CDC42BPB: variants seen among roughly 807,000 people sequenced by gnomAD.
CDC42BPB encodes CDC42 binding protein kinase beta.
A neutral mutation model predicts 214.9 loss-of-function variants in CDC42BPB; 37 were observed. That is an observed-to-expected ratio of 0.17 (90% confidence interval 0.13 to 0.23). CDC42BPB has a LOEUF of 0.23. CDC42BPB is among the 10% of genes least tolerant of loss of function. The pLI, the probability that CDC42BPB is intolerant of heterozygous loss-of-function variation, is 1.00. For synonymous variants in CDC42BPB, 931 were observed against 884.0 expected (o/e 1.05, Z -0.94); for missense variants, 1,694 against 2,227.0 (o/e 0.76, Z 4.82).
At chr14:103,054,830 G>A (rs1595204111) in intron 1 of CDC42BPB, among the ~76,000 whole-genome samples, 1 of 152,206 alleles carries the variant, frequency 6.6e-6, no homozygotes, top group South Asian at 2.1e-4. Flanking sequence ...CACAGTTCCC[G>A]TTTAGATTTG....
chr14:102,990,841 T>C (rs1161319472), intron 5 of CDC42BPB, among the ~76,000 whole-genome samples: 1 of 151,992 alleles, frequency 6.6e-6, no homozygotes, highest in Non-Finnish European at 1.5e-5. Context: ...AGCACAAAAA[T>C]AACTAAGATA....
chr14:102,951,669 C>T (rs1892496529), intron 24 of CDC42BPB, among the ~76,000 whole-genome samples: 1 of 151,730 alleles, frequency 6.6e-6, no homozygotes. Flanking sequence ...TGGGCCTGTC[C>T]CCAGCTACTT....
chr14:102,950,338 G>A, intron 25 of CDC42BPB, 128 bp downstream of exon 25: 1 of 1,262,316 alleles, frequency 7.9e-7, no homozygotes, highest in Non-Finnish European at 1.1e-6. Flanking sequence ...AGGAGGGTAA[G>A]CCCCCTAGGA....
intron 12 of CDC42BPB, 194 bp from the exon 13 acceptor site, chr14:102,972,355 C>G: frequency 1.0e-6 from 1 of 985,142 alleles, no homozygotes; most frequent in African/African-American, 1.7e-5. Context: ...ATGGGAAGGC[C>G]GCCTGGGCTC....
At position 102,933,876 on chromosome 14, in the gene CDC42BPB, G is replaced by A. The variant is rs181816130; in HGVS notation, c.5005-33C>T. ...CAGGAAGAGGGCAGGGTGAGCACCC[G>A]CTGCCCTAGCCTGGGGAGGCACGCG... On this transcript the variant is annotated intron_variant, in intron 36 of 36. Coordinates refer to ENST00000361246, the MANE Select transcript of CDC42BPB (RefSeq NM_006035.4). 15 of 1,484,892 alleles carry A rather than the reference G, an allele frequency of 1.0e-5. No homozygotes were observed. In the Admixed American group the frequency reaches 1.2e-4, roughly 12 times the overall value. 92.0% of individuals were successfully genotyped at this position (1,484,892 alleles called of 1,614,324 possible). A position where few individuals can be genotyped will look rare whatever the true frequency, so the allele number is the denominator to read the frequency against.
intron 8 of CDC42BPB, chr14:102,978,436 G>C (rs896673093): frequency 2.0e-5 from 12 of 614,386 alleles, no homozygotes; most frequent in Non-Finnish European, 2.4e-5. Context: ...GACACACTCT[G>C]ATTTCGATGA....
chr14:102,959,839 A>T (rs926849588), intron 20 of CDC42BPB, 129 bp from the exon 21 acceptor site: 12 of 135,446 alleles, frequency 8.9e-5, no homozygotes, highest in South Asian at 2.2e-4. Context: ...GATCACAATT[A>T]AAAAAAAAAA....
chr14:103,034,158 G>A (rs572094390), intron 1 of CDC42BPB, among the ~76,000 whole-genome samples: 2 of 152,136 alleles, frequency 1.3e-5, no homozygotes, highest in Non-Finnish European at 2.9e-5. Context: ...TTTCCAATGT[G>A]GTACTGGAGA....
At chr14:103,011,953 AAGAG>A in intron 2 of CDC42BPB, 140 bp downstream of exon 2, 6 of 668,526 alleles carry the variant, frequency 9.0e-6, no homozygotes, top group South Asian at 8.2e-5. Flanking sequence ...TCATCTTAGA[AAGAG>A]AGAGAGGAAA....
chr14:103,021,824 G>A (rs1266021796), intron 1 of CDC42BPB, among the ~76,000 whole-genome samples: 2 of 152,222 alleles, frequency 1.3e-5, no homozygotes, highest in African/African-American at 4.8e-5. Flanking sequence ...GCAGGCGATA[G>A]CAGTCTGGTC....
chr14:102,946,558 G>C lies in CDC42BPB; in HGVS notation c.3658C>G (p.Arg1220Gly), dbSNP rs771945943. 1 of 1,612,742 alleles carries C rather than the reference G, an allele frequency of 6.2e-7. No homozygotes were observed. Among genetic ancestry groups the C allele is most frequent in the Non-Finnish European group, 8.5e-7 (1 of 1,179,938 alleles). ...EGLQSILHKN[R>G]LRNQVVHVPL... The stretch of plus-strand genomic sequence containing the variant: ...ACATGCACGACCTGATTCCTCAGCC[G>C]GTTTTTATGAAGGATGGACTGGAGT... Residue 1220 changes from arginine (R) to glycine (G), a missense_variant, in exon 28 of 37, where the codon CGG becomes GGG. Coordinates refer to ENST00000361246, the MANE Select transcript of CDC42BPB (RefSeq NM_006035.4).
intron 36 of CDC42BPB, among the ~76,000 whole-genome samples, chr14:102,934,814 A>C (rs1891568414): frequency 6.6e-6 from 1 of 152,076 alleles, no homozygotes; most frequent in East Asian, 1.9e-4. Context: ...GATTGAGACC[A>C]TCCTAACACA....
intron 1 of CDC42BPB, among the ~76,000 whole-genome samples, chr14:103,048,408 G>A (rs1888412291): frequency 6.6e-6 from 1 of 151,788 alleles, no homozygotes; most frequent in Non-Finnish European, 1.5e-5. Flanking sequence ...GCCAGGCATG[G>A]CTGGGCGCGG....
intron 28 of CDC42BPB, 68 bp from the exon 29 acceptor site, chr14:102,945,792 G>T: frequency 7.3e-7 from 1 of 1,367,124 alleles, no homozygotes; most frequent in Non-Finnish European, 1.0e-6. Context: ...GTTTGAATGC[G>T]TGGGTGGGCT....
At chr14:102,968,450 T>C (rs778969431) in intron 15 of CDC42BPB, 22 bp downstream of exon 15, 4 of 1,613,666 alleles carry the variant, frequency 2.5e-6, no homozygotes, top group Admixed American at 1.7e-5. Context: ...TCTTCTGAAC[T>C]GAGAAGCTCA....
intron 8 of CDC42BPB, among the ~76,000 whole-genome samples, chr14:102,979,348 A>C (rs1363484618): frequency 1.3e-5 from 2 of 151,650 alleles, no homozygotes; most frequent in Non-Finnish European, 2.9e-5. Context: ...AAGTAGCTGG[A>C]TTACAGGCAC....
chr14:102,992,137 G>A lies in CDC42BPB; in HGVS notation c.597-5557C>T, dbSNP rs556969151. On this transcript the variant is annotated intron_variant, in intron 5 of 36. Coordinates refer to ENST00000361246, the MANE Select transcript of CDC42BPB (RefSeq NM_006035.4). ...TGAGGGGTGGTGACCCCTGGGGAGG[G>A]AGTGATGGGGGAGCCCCAAGGGGGC... Among the ~76,000 whole-genome samples the A allele has an allele frequency of 2.0e-5, 3 of 152,266 alleles. No individual in the cohort carries two copies. The East Asian group carries it at 5.8e-4, about 29-fold the overall frequency.
At position 102,949,747 on chromosome 14, in the gene CDC42BPB, T is replaced by C. The variant is rs980090293; in HGVS notation, c.3449+18A>G. On this transcript the variant is annotated intron_variant, in intron 26 of 36. Transcript: ENST00000361246. ...AGGAAGATTCACAGAGCAAGGACAGTGCTGCCCAAACGCAGACCTGAGATC... is the reference window on the plus strand; with the variant it reads ...AGGAAGATTCACAGAGCAAGGACAGCGCTGCCCAAACGCAGACCTGAGATC... 2 of 1,613,162 alleles carry C rather than the reference T, an allele frequency of 1.2e-6. No individual in the cohort carries two copies. The highest frequency in any genetic ancestry group is 2.2e-5 in the East Asian group (1 of 44,870).
At chr14:103,031,081 T>C (rs1453532520) in intron 1 of CDC42BPB, among the ~76,000 whole-genome samples, 3 of 152,090 alleles carry the variant, frequency 2.0e-5, no homozygotes, top group Admixed American at 6.6e-5. Context: ...GAGTTACTTT[T>C]TTTTTAATTA....
Sources: allele counts gnomAD v4.1 joint callset (sites outside exome capture counted in the v4.1 genomes callset), GRCh38; gene constraint gnomAD v4.1.1; transcripts MANE v1.5; gene names NCBI Gene and HGNC (gene_info 2026-07-23, HGNC 2026-07-21).